DOK5: variants seen among roughly 807,000 people sequenced by gnomAD.
DOK5 encodes the protein docking protein 5.
Under a neutral mutation model 43.3 loss-of-function variants are expected in DOK5, and 27 were observed. That is an observed-to-expected ratio of 0.62 (90% confidence interval 0.46 to 0.86). DOK5 has a LOEUF of 0.86. Among genes scored for constraint, DOK5 ranks in the 40% least tolerant of loss-of-function variants. The pLI is 0.00. For missense variants in DOK5, 373 were observed against 392.9 expected, an observed-to-expected ratio of 0.95 and a Z score of 0.43; for synonymous variants, 146 against 140.1, an observed-to-expected ratio of 1.04 and a Z score of -0.30.
At chr20:54,545,829 G>T (rs1984324054) in intron 1 of DOK5, among the ~76,000 whole-genome samples, 1 of 152,240 alleles carries the variant, frequency 6.6e-6, no homozygotes, top group South Asian at 2.1e-4. Flanking sequence ...CTTAGTGCCA[G>T]TGAGTGAACT....
At chr20:54,566,199 C>G (rs181256638) in intron 2 of DOK5, among the ~76,000 whole-genome samples, 1 of 150,884 alleles carries the variant, frequency 6.6e-6, no homozygotes, top group African/African-American at 2.4e-5. Flanking sequence ...GCCTTCTTCA[C>G]GCAACATAAC....
At chr20:54,518,296 C>T (rs2146694055) in intron 1 of DOK5, among the ~76,000 whole-genome samples, 1 of 151,014 alleles carries the variant, frequency 6.6e-6, no homozygotes, top group African/African-American at 2.4e-5. Context: ...CACAACAGGA[C>T]CCAGTGTGTG....
chr20:54,489,386 A>G (rs1600656195), intron 1 of DOK5, among the ~76,000 whole-genome samples: 2 of 151,966 alleles, frequency 1.3e-5, no homozygotes, highest in East Asian at 1.9e-4. Flanking sequence ...TAGTCTATAT[A>G]TAAGTAGTTT....
chr20:54,501,466 C>CAAAAA (rs76224592), intron 1 of DOK5, among the ~76,000 whole-genome samples: 8 of 19,388 alleles, frequency 4.1e-4, no homozygotes, highest in African/African-American at 1.7e-3. Context: ...GACTCACTCT[C>CAAAAA]AAAAAAAAAA....
intron 1 of DOK5, among the ~76,000 whole-genome samples, chr20:54,489,757 G>A (rs1191815915): frequency 1.3e-5 from 2 of 152,110 alleles, no homozygotes; most frequent in Non-Finnish European, 2.9e-5. Flanking sequence ...TGGAACATTG[G>A]GGTAAATCCA....
At chr20:54,545,362 T>C (rs1240169835) in intron 1 of DOK5, among the ~76,000 whole-genome samples, 1 of 152,182 alleles carries the variant, frequency 6.6e-6, no homozygotes, top group Non-Finnish European at 1.5e-5. Context: ...TCTGTGGCTA[T>C]TGAAAAGCCT....
At chr20:54,491,960 GAA>G (rs1982194095) in intron 1 of DOK5, among the ~76,000 whole-genome samples, 1 of 151,132 alleles carries the variant, frequency 6.6e-6, no homozygotes, top group African/African-American at 2.4e-5. Context: ...GAAAGTGAAA[GAA>G]AGAGAAAAAG....
intron 6 of DOK5, among the ~76,000 whole-genome samples, chr20:54,630,193 G>A (rs1370445201): frequency 6.6e-6 from 1 of 152,192 alleles, no homozygotes; most frequent in Admixed American, 6.5e-5. Context: ...GGTGAGCATC[G>A]GGGTACGGAC....
In DOK5 at chr20:54,644,715, A is replaced by ACAAACAAACAAAC. The variant is rs1555839815; in HGVS notation, c.856+1137_856+1138insCAAACAAACAAAC. 1.7e-3 allele frequency among the ~76,000 whole-genome samples: 128 copies of ACAAACAAACAAAC among 77,312 alleles called. 1 individual carries two copies. The highest frequency in any genetic ancestry group is 5.2e-3 in the Middle Eastern group (1 of 192). 50.7% of individuals were successfully genotyped at this position (77,312 alleles called of 152,430 possible). A position where few individuals can be genotyped will look rare whatever the true frequency, so the allele number is the denominator to read the frequency against. ...AGAGAGACTCCGTCTCAAAAAAAAAAAAAAAAAAACAAAATTTAGCTGGGC... is the reference window on the plus strand; with the variant it reads ...AGAGAGACTCCGTCTCAAAAAAAAAACAAACAAACAAACAAAAAAAAACAAAATTTAGCTGGGC... On this transcript the variant is annotated intron_variant, in intron 7 of 7. Transcript: ENST00000262593.
intron 1 of DOK5, among the ~76,000 whole-genome samples, chr20:54,501,045 T>A (rs958991075): frequency 6.6e-6 from 1 of 152,162 alleles, no homozygotes; most frequent in Non-Finnish European, 1.5e-5. Context: ...ATGTTTTAGA[T>A]TGTTTCCTTG....
At chr20:54,639,568 T>C (rs2146826277) in intron 6 of DOK5, among the ~76,000 whole-genome samples, 1 of 152,322 alleles carries the variant, frequency 6.6e-6, no homozygotes, top group East Asian at 1.9e-4. Flanking sequence ...TACAATTCTA[T>C]GGCTCAGGGT....
intron 2 of DOK5, among the ~76,000 whole-genome samples, chr20:54,566,793 G>C (rs1985114194): frequency 6.6e-6 from 1 of 151,870 alleles, no homozygotes; most frequent in Admixed American, 6.6e-5. Context: ...ATTTTTTAAT[G>C]CTTTGTAGAG....
chr20:54,507,201 G>A (rs1471214460), intron 1 of DOK5, among the ~76,000 whole-genome samples: 1 of 152,104 alleles, frequency 6.6e-6, no homozygotes, highest in Non-Finnish European at 1.5e-5. Context: ...GATCAAGGGG[G>A]ACTGAGTGGG....
intron 5 of DOK5, among the ~76,000 whole-genome samples, chr20:54,592,481 T>C (rs1486012033): frequency 1.3e-5 from 2 of 152,038 alleles, no homozygotes; most frequent in African/African-American, 4.8e-5. Flanking sequence ...CATAATCCTA[T>C]TTTCCTTGTC....
intron 5 of DOK5, among the ~76,000 whole-genome samples, chr20:54,599,481 C>T (rs1199510436): frequency 6.6e-6 from 1 of 152,140 alleles, no homozygotes; most frequent in Non-Finnish European, 1.5e-5. Flanking sequence ...ATAGATGTTT[C>T]ATTATTGCAT....
chr20:54,476,169 G>A (rs1390426006), intron 1 of DOK5, 157 bp downstream of exon 1: 7 of 985,308 alleles, frequency 7.1e-6, no homozygotes, highest in Non-Finnish European at 8.4e-6. Context: ...GGCTGTCACT[G>A]TAAGGCCAGC....
At chr20:54,502,915 C>T (rs6098032) in intron 1 of DOK5, among the ~76,000 whole-genome samples, 29 of 151,886 alleles carry the variant, frequency 1.9e-4, no homozygotes, top group Non-Finnish European at 4.4e-5. Context: ...GATTTTTTTC[C>T]TTAATAACTA....
At chr20:54,577,963 A>C (rs1985505503) in intron 2 of DOK5, among the ~76,000 whole-genome samples, 1 of 152,250 alleles carries the variant, frequency 6.6e-6, no homozygotes, top group Non-Finnish European at 1.5e-5. Flanking sequence ...GATTCTTGAT[A>C]GATAACTCAA....
chr20:54,528,364 T>A (rs1195782424), intron 1 of DOK5, among the ~76,000 whole-genome samples: 1 of 152,158 alleles, frequency 6.6e-6, no homozygotes, highest in Non-Finnish European at 1.5e-5. Flanking sequence ...GGAAAGAAGT[T>A]AAAGTTAGTA....
Sources: allele counts gnomAD v4.1 joint callset (sites outside exome capture counted in the v4.1 genomes callset), GRCh38; gene constraint gnomAD v4.1.1; transcripts MANE v1.5; gene names NCBI Gene and HGNC (gene_info 2026-07-23, HGNC 2026-07-21).